PTER: variants seen among roughly 807,000 people sequenced by gnomAD.
The protein encoded by PTER is N-acetyltaurine hydrolase.
A neutral mutation model predicts 29.6 loss-of-function variants in PTER; 38 were observed. That is an observed-to-expected ratio of 1.28 (90% CI 0.99 to 1.68). PTER has a LOEUF of 1.68. Ranked by LOEUF, PTER falls within the 40% of genes most tolerant of loss-of-function variation. The pLI is 0.00. For synonymous variants in PTER, 172 were observed against 154.5 expected, an observed-to-expected ratio of 1.11 and a Z score of -0.84; for missense variants, 482 against 427.8, an observed-to-expected ratio of 1.13 and a Z score of -1.12.
At chr10:16,493,026 C>G (rs1208618870) in intron 3 of PTER, among the ~76,000 whole-genome samples, 1 of 152,182 alleles carries the variant, frequency 6.6e-6, no homozygotes, top group Non-Finnish European at 1.5e-5. Flanking sequence ...TCACATCATT[C>G]ATTCATTCCA....
intron 1 of PTER, among the ~76,000 whole-genome samples, chr10:16,439,824 A>T (rs1833784590): frequency 1.3e-5 from 2 of 152,084 alleles, no homozygotes; most frequent in Admixed American, 6.6e-5. Context: ...CGGCCTCCCA[A>T]ACTGTTGAGA....
intron 3 of PTER, among the ~76,000 whole-genome samples, chr10:16,493,626 T>C (rs1835985807): frequency 6.6e-6 from 1 of 151,832 alleles, no homozygotes; most frequent in Non-Finnish European, 1.5e-5. Context: ...CCTGCCCTAG[T>C]TATTGTTTAC....
chr10:16,493,156 G>A (rs903677276), intron 3 of PTER, among the ~76,000 whole-genome samples: 3 of 152,028 alleles, frequency 2.0e-5, no homozygotes, highest in Admixed American at 6.6e-5. Context: ...TAACCTTAAG[G>A]TTTTCTGTGA....
chr10:16,499,685 C>T (rs1394772638), intron 3 of PTER, among the ~76,000 whole-genome samples: 3 of 152,092 alleles, frequency 2.0e-5, no homozygotes, highest in Non-Finnish European at 4.4e-5. Context: ...CTCAAGTGAC[C>T]CTTCCACCTC....
intron 4 of PTER, among the ~76,000 whole-genome samples, chr10:16,506,723 A>G (rs1463833669): frequency 6.6e-6 from 1 of 152,060 alleles, no homozygotes; most frequent in African/African-American, 2.4e-5. Flanking sequence ...ACATGGCCAC[A>G]TGTCCTCTAG....
At chr10:16,510,308 TTAGTCCACTGACTATAAATTTAAAGGAAC>T in intron 4 of PTER, among the ~76,000 whole-genome samples, 1 of 152,350 alleles carries the variant, frequency 6.6e-6, no homozygotes, top group Non-Finnish European at 1.5e-5. Flanking sequence ...AAGCTGTTCT[TTAGTCCACTGACTATAAATTTAAAGGAAC>T]AGCTTATTAT....
intron 1 of PTER, among the ~76,000 whole-genome samples, chr10:16,442,300 A>G (rs1042425820): frequency 2.0e-5 from 3 of 152,186 alleles, no homozygotes; most frequent in Non-Finnish European, 4.4e-5. Flanking sequence ...ACAATTCGAC[A>G]TGTCTCATCT....
chr10:16,475,796 A>G (rs993732309), intron 1 of PTER, among the ~76,000 whole-genome samples: 10 of 152,218 alleles, frequency 6.6e-5, no homozygotes, highest in African/African-American at 1.9e-4. Flanking sequence ...TGTGATGTCA[A>G]TTGCAGCTGT....
chr10:16,490,803 T>C (rs1396140728), intron 3 of PTER, among the ~76,000 whole-genome samples: 2 of 151,612 alleles, frequency 1.3e-5, no homozygotes, highest in African/African-American at 4.9e-5. Context: ...TAGAAAATTA[T>C]GCTTGGCACA....
chr10:16,440,593 G>T (rs1426450961), intron 1 of PTER, among the ~76,000 whole-genome samples: 2 of 152,138 alleles, frequency 1.3e-5, no homozygotes, highest in Non-Finnish European at 2.9e-5. Flanking sequence ...GTATGTCCAC[G>T]TGACTTGTTT....
chr10:16,489,297 T>C (rs1048829106), intron 3 of PTER, among the ~76,000 whole-genome samples: 3 of 152,216 alleles, frequency 2.0e-5, no homozygotes, highest in African/African-American at 7.2e-5. Context: ...CTTGGTTAAT[T>C]TTGATCATTT....
intron 1 of PTER, among the ~76,000 whole-genome samples, chr10:16,464,867 C>T (rs937516502): frequency 6.6e-6 from 1 of 152,164 alleles, no homozygotes; most frequent in African/African-American, 2.4e-5. Context: ...GTTTAATTGA[C>T]TCACTGTTCC....
chr10:16,495,074 T>A lies in PTER; in HGVS notation c.698+8457T>A, dbSNP rs140706655. On this transcript the variant is annotated intron_variant, in intron 3 of 4. Transcript: ENST00000535784. ...ATTTTAAGTAGTTGTTGAAAAACTTTAAAAAAATAAGAATTCCACATAGCT... is the reference window on the plus strand; with the variant it reads ...ATTTTAAGTAGTTGTTGAAAAACTTAAAAAAAATAAGAATTCCACATAGCT... Among the ~76,000 whole-genome samples, 845 of 152,040 alleles carry A rather than the reference T, an allele frequency of 5.6e-3. 9 individuals carry two copies. The highest frequency in any genetic ancestry group is 0.018 in the African/African-American group (754 of 41,482).
At chr10:16,470,741 C>T (rs1211782969) in intron 1 of PTER, among the ~76,000 whole-genome samples, 2 of 152,244 alleles carry the variant, frequency 1.3e-5, no homozygotes, top group African/African-American at 4.8e-5. Context: ...CCACTCCAGC[C>T]TGGGTGACAG....
intron 1 of PTER, among the ~76,000 whole-genome samples, chr10:16,480,737 T>C (rs1368588100): frequency 6.6e-6 from 1 of 152,168 alleles, no homozygotes; most frequent in Non-Finnish European, 1.5e-5. Flanking sequence ...ATCTTAAGTA[T>C]AATGGCCAGG....
intron 1 of PTER, among the ~76,000 whole-genome samples, chr10:16,444,239 C>T (rs957791941): frequency 3.3e-5 from 5 of 152,056 alleles, no homozygotes; most frequent in Admixed American, 6.6e-5. Flanking sequence ...GTGATCTACC[C>T]GCCTCGGCCT....
In PTER at chr10:16,456,780, A is replaced by G. The variant is rs1588590291; in HGVS notation, c.-49+19733A>G. Among the ~76,000 whole-genome samples the G allele has an allele frequency of 2.0e-5, 3 of 146,710 alleles. 1 individual carries two copies. ...ATGGTTTGGCTGTGTCCCCATCCAA[A>G]TCTCATCTTGAATTGTAGCTCTCAT... On this transcript the variant is annotated intron_variant, in intron 1 of 4. Coordinates refer to ENST00000535784, the MANE Select transcript of PTER (RefSeq NM_001261836.2).
At chr10:16,469,911 T>A (rs981009885) in intron 1 of PTER, among the ~76,000 whole-genome samples, 1 of 147,996 alleles carries the variant, frequency 6.8e-6, no homozygotes, top group Admixed American at 6.7e-5. Flanking sequence ...GTTTTTTTTT[T>A]TAATTTAAAT....
intron 1 of PTER, among the ~76,000 whole-genome samples, chr10:16,462,804 C>T (rs937097534): frequency 5.3e-5 from 8 of 151,692 alleles, no homozygotes; most frequent in African/African-American, 7.2e-5. Flanking sequence ...CTCCTGGCCT[C>T]AAGTGATCCA....
Sources: gnomAD v4.1 joint callset for allele counts (sites outside exome capture counted in the v4.1 genomes callset) on GRCh38, gnomAD v4.1.1 for gene constraint, MANE v1.5 for transcripts, NCBI Gene and HGNC (gene_info 2026-07-23, HGNC 2026-07-21) for gene names.